The following FAM227B variants were observed in gnomAD, a reference collection of about 807,000 sequenced individuals.
The protein encoded by FAM227B is family with sequence similarity 227 member B, also known as protein FAM227B.
In FAM227B, 88 loss-of-function variants were observed where a neutral mutation model predicts 73.8. That is an observed-to-expected ratio of 1.19 (90% CI 1.00 to 1.42). FAM227B has a LOEUF of 1.42. FAM227B is among the 40% of genes most tolerant of loss of function. The pLI is 0.00. For missense variants in FAM227B, 632 were observed against 590.9 expected, an observed-to-expected ratio of 1.07 and a Z score of -0.72; for synonymous variants, 210 against 190.5, an observed-to-expected ratio of 1.10 and a Z score of -0.84.
rs994865124 is a variant in FAM227B at position 49,439,630 on chromosome 15, T to G, written c.1013-68231A>C. On this transcript the variant is annotated intron_variant, in intron 11 of 15. Coordinates refer to ENST00000299338, the MANE Select transcript of FAM227B (RefSeq NM_152647.3). Reference sequence around the variant, plus strand: ...GCAATAAGTTTGTGGAATAAGCTTGTTTCTGAACAAGCCTGAGAAGTAGAT... The same window carrying G: ...GCAATAAGTTTGTGGAATAAGCTTGGTTCTGAACAAGCCTGAGAAGTAGAT... Among the ~76,000 whole-genome samples, 6 of 151,874 alleles carry G rather than the reference T, an allele frequency of 4.0e-5. No individual in the cohort carries two copies. The South Asian group carries it at 1.2e-3, about 31-fold the overall frequency.
At chr15:49,569,481 G>T (rs898399812) in intron 8 of FAM227B, among the ~76,000 whole-genome samples, 1 of 151,552 alleles carries the variant, frequency 6.6e-6, no homozygotes, top group African/African-American at 2.4e-5. Context: ...TTTCTTCTTT[G>T]ATTTTTAATG....
At chr15:49,346,131 T>C (rs1283522324) in intron 13 of FAM227B, among the ~76,000 whole-genome samples, 1 of 152,000 alleles carries the variant, frequency 6.6e-6, no homozygotes, top group Non-Finnish European at 1.5e-5. Flanking sequence ...GGCTGCTTGA[T>C]AGATACCATC....
At chr15:49,592,005 T>C (rs2152414438) in intron 3 of FAM227B, among the ~76,000 whole-genome samples, 1 of 152,328 alleles carries the variant, frequency 6.6e-6, no homozygotes, top group South Asian at 2.1e-4. Flanking sequence ...TCTCATGGCA[T>C]GGTTTTCTGC....
intron 5 of FAM227B, among the ~76,000 whole-genome samples, chr15:49,582,325 T>G (rs1388275983): frequency 1.3e-5 from 2 of 151,364 alleles, no homozygotes; most frequent in East Asian, 3.9e-4. Flanking sequence ...AAAGCAGGAG[T>G]TGCAATCCTA....
chr15:49,387,553 C>G (rs2046959101), intron 11 of FAM227B, among the ~76,000 whole-genome samples: 2 of 151,846 alleles, frequency 1.3e-5, no homozygotes, highest in Non-Finnish European at 2.9e-5. Flanking sequence ...GTAAGCATTT[C>G]CCCTGAGAAC....
intron 11 of FAM227B, among the ~76,000 whole-genome samples, chr15:49,406,210 C>T (rs1249379929): frequency 6.6e-6 from 1 of 152,156 alleles, no homozygotes; most frequent in African/African-American, 2.4e-5. Flanking sequence ...ACAGCAGGAT[C>T]CATTTTTGTT....
intron 11 of FAM227B, chr15:49,396,257 T>C (rs1167715362): frequency 2.0e-5 from 8 of 390,678 alleles, no homozygotes; most frequent in Non-Finnish European, 4.0e-5. Flanking sequence ...GAAAATCGTG[T>C]CACTCCCACC....
chr15:49,470,172 T>G (rs1355768613), intron 11 of FAM227B, among the ~76,000 whole-genome samples: 1 of 152,128 alleles, frequency 6.6e-6, no homozygotes, highest in Non-Finnish European at 1.5e-5. Context: ...TACTGTAGAT[T>G]GTAAATTAAA....
intron 3 of FAM227B, among the ~76,000 whole-genome samples, chr15:49,600,947 C>CA: frequency 6.8e-6 from 1 of 146,260 alleles, no homozygotes; most frequent in Non-Finnish European, 1.5e-5. Context: ...GAGGCTGAAG[C>CA]AGGAGAATCA....
At chr15:49,348,152 AT>A (rs2041796771) in intron 13 of FAM227B, among the ~76,000 whole-genome samples, 2 of 151,882 alleles carry the variant, frequency 1.3e-5, no homozygotes, top group African/African-American at 4.8e-5. Flanking sequence ...CAAGTTGTTG[AT>A]TTACAGAAAT....
intron 13 of FAM227B, among the ~76,000 whole-genome samples, chr15:49,359,932 C>G (rs2043887065): frequency 1.3e-5 from 2 of 150,180 alleles, no homozygotes; most frequent in African/African-American, 4.9e-5. Context: ...AGTTCATGTC[C>G]TTTGTATGGA....
chr15:49,438,018 AGGG>A (rs2051272217), intron 11 of FAM227B, among the ~76,000 whole-genome samples: 1 of 151,662 alleles, frequency 6.6e-6, no homozygotes, highest in Non-Finnish European at 1.5e-5. Flanking sequence ...GTCAGAAGAA[AGGG>A]TATCTCTTCC....
intron 13 of FAM227B, among the ~76,000 whole-genome samples, chr15:49,360,989 A>G (rs1210050018): frequency 2.0e-5 from 3 of 152,110 alleles, no homozygotes; most frequent in Non-Finnish European, 4.4e-5. Context: ...ATTTAGGCAA[A>G]TCACTCCTTA....
intron 10 of FAM227B, 31 bp from the exon 11 acceptor site, chr15:49,508,379 T>C: frequency 6.6e-7 from 1 of 1,516,738 alleles, no homozygotes; most frequent in Non-Finnish European, 8.8e-7. Context: ...TTTAGCCAAA[T>C]AAATTTGGAT....
At chr15:49,354,503 C>T (rs1182671601) in intron 13 of FAM227B, among the ~76,000 whole-genome samples, 9 of 152,334 alleles carry the variant, frequency 5.9e-5, no homozygotes, top group Admixed American at 1.3e-4. Flanking sequence ...CCTGGAAAAT[C>T]GTGTCACTCC....
At chr15:49,469,852 GA>G (rs1290082878) in intron 11 of FAM227B, among the ~76,000 whole-genome samples, 9 of 152,032 alleles carry the variant, frequency 5.9e-5, no homozygotes, top group African/African-American at 2.2e-4. Flanking sequence ...ACGACTCTAA[GA>G]AGTCATAATG....
intron 11 of FAM227B, among the ~76,000 whole-genome samples, chr15:49,430,485 A>G (rs1290094510): frequency 3.3e-5 from 5 of 151,864 alleles, no homozygotes; most frequent in Admixed American, 3.3e-4. Flanking sequence ...GAGAACCACA[A>G]TTCTAGAGGG....
At chr15:49,566,605 T>C (rs1393459397) in intron 9 of FAM227B, among the ~76,000 whole-genome samples, 1 of 152,062 alleles carries the variant, frequency 6.6e-6, no homozygotes, top group South Asian at 2.1e-4. Flanking sequence ...ATCAGATGAG[T>C]TAATAGTAAT....
At chr15:49,597,099 A>T (rs980835763) in intron 3 of FAM227B, among the ~76,000 whole-genome samples, 2 of 152,088 alleles carry the variant, frequency 1.3e-5, no homozygotes, top group African/African-American at 4.8e-5. Context: ...TATGGACTTA[A>T]ACTATACCCT....
Sources: allele counts gnomAD v4.1 joint callset (sites outside exome capture counted in the v4.1 genomes callset), GRCh38; gene constraint gnomAD v4.1.1; transcripts MANE v1.5; gene names NCBI Gene and HGNC (gene_info 2026-07-23, HGNC 2026-07-21).